The following FREM2 variants were observed in gnomAD, a reference collection of about 807,000 sequenced individuals.
FREM2 encodes FRAS1 related extracellular matrix 2, also known as FRAS1-related extracellular matrix protein 2.
In FREM2, 119 loss-of-function variants were observed where a neutral mutation model predicts 219.9. The ratio of observed to expected loss-of-function variants is 0.54; its 90% CI spans 0.47 to 0.63. FREM2 has a LOEUF of 0.63. Ranked by LOEUF, FREM2 falls within the 30% of genes least tolerant of loss-of-function variation. The pLI, the probability that FREM2 is intolerant of heterozygous loss-of-function variation, is 0.00. For synonymous variants in FREM2, 1,562 were observed against 1,522.8 expected (o/e 1.03, Z -0.60); for missense variants, 4,030 against 3,993.6 (o/e 1.01, Z -0.25).
chr13:38,688,323 A>G lies in FREM2; in HGVS notation c.979A>G (p.Met327Val). The change falls in exon 1 of 24, where the codon ATG becomes GTG. Residue 327 changes from methionine (M) to valine (V), a missense_variant. Physicochemically the swap from Met to Val is conservative, Grantham distance 21. Around this residue, in one of 2 missense-constraint regions of FREM2, gnomAD observed 3,102 missense variants for 2,950.7 expected, o/e 1.05. Transcript: ENST00000280481. ...APKPSFVAMMMMEVDQFVLTA... is the reference protein window; with the variant it reads ...APKPSFVAMMVMEVDQFVLTA... ...CAAGCCCAGTTTCGTGGCCATGATG[A>G]TGATGGAGGTGGACCAGTTTGTACT... The G allele has an allele frequency of 2.5e-6, 4 of 1,614,164 alleles. No individual in the cohort carries two copies. Among genetic ancestry groups the G allele is most frequent in the Non-Finnish European group, 3.4e-6 (4 of 1,180,036 alleles).
Position 38,689,103 on chromosome 13 carries a change from A to G in FREM2, c.1759A>G (p.Thr587Ala). Residue 587 changes from threonine to alanine, a missense_variant, in exon 1 of 24, where the codon ACT (threonine) becomes GCT (alanine). Thr to Ala is a moderately conservative substitution (Grantham distance 58). Around this residue, in one of 2 missense-constraint regions of FREM2, gnomAD observed 3,102 missense variants for 2,950.7 expected, o/e 1.05. Transcript: ENST00000280481. ...CATCCTGCCCCTTTCCCTGAGTGCA[A>G]CTGACATGGATTCAGATGATTCTCT... ...VPILPLSLSA[T>A]DMDSDDSLLL... is the part of the protein sequence containing the mutation. 3 of 1,613,912 alleles carry G rather than the reference A, an allele frequency of 1.9e-6. No individual in the cohort carries two copies. Among genetic ancestry groups the G allele is most frequent in the Middle Eastern group, 3.3e-4 (2 of 6,058 alleles).
At chr13:38,764,208 AT>A (rs776739460) in intron 2 of FREM2, 95 bp from the exon 3 acceptor site, 7 of 865,136 alleles carry the variant, frequency 8.1e-6, no homozygotes, top group African/African-American at 6.6e-5. Flanking sequence ...AGCTGTATTG[AT>A]TGTTAATGTT....
chr13:38,774,348 T>A (rs890089606), intron 4 of FREM2, among the ~76,000 whole-genome samples: 5 of 152,210 alleles, frequency 3.3e-5, no homozygotes, highest in Admixed American at 2.0e-4. Flanking sequence ...ATCTACTCTA[T>A]GCCAGGAATG....
At chr13:38,715,287 T>C (rs1870952588) in intron 2 of FREM2, among the ~76,000 whole-genome samples, 1 of 152,168 alleles carries the variant, frequency 6.6e-6, no homozygotes, top group African/African-American at 2.4e-5. Flanking sequence ...CATGTTTTGA[T>C]CATTTAAATA....
In FREM2 at chr13:38,817,537, T is replaced by C. The variant is rs984473529; in HGVS notation, c.6020-29036T>C. Among the ~76,000 whole-genome samples the C allele has an allele frequency of 3.3e-5, 5 of 152,270 alleles. No homozygotes were observed. In the East Asian group the frequency reaches 9.7e-4, roughly 29 times the overall value. The stretch of plus-strand genomic sequence containing the variant: ...GTGCAGAAGAATGAAACTAGATCCC[T>C]ACCTCTCACTATATATAAAAATCAA... On this transcript the variant is annotated intron_variant, in intron 6 of 23. Transcript: ENST00000280481.
At chr13:38,818,378 G>T (rs909582793) in intron 6 of FREM2, among the ~76,000 whole-genome samples, 1 of 152,094 alleles carries the variant, frequency 6.6e-6, no homozygotes, top group Non-Finnish European at 1.5e-5. Context: ...CCTATCATTT[G>T]AGACAACATG....
At position 38,689,698 on chromosome 13, in the gene FREM2, C is replaced by T. The variant is rs767812418; in HGVS notation, c.2354C>T (p.Ala785Val). ...GCCCAGATCAACCATCATAAAATTG[C>T]TTACAGACCCCCGGGTCAAGAACTG... ...TQAQINHHKI[A>V]YRPPGQELGV... The change falls in exon 1 of 24, where the codon GCT becomes GTT. Residue 785 changes from alanine to valine, a missense_variant. Around this residue, in one of 2 missense-constraint regions of FREM2, gnomAD observed 3,102 missense variants for 2,950.7 expected, o/e 1.05. Transcript: ENST00000280481. 2 of 1,613,914 alleles carry T rather than the reference C, an allele frequency of 1.2e-6. No individual in the cohort carries two copies. The highest frequency in any genetic ancestry group is 1.7e-6 in the Non-Finnish European group (2 of 1,179,994).
In FREM2 at chr13:38,846,627, A is replaced by G. The variant is rs1367346801; in HGVS notation, c.6074A>G (p.Tyr2025Cys). The change falls in exon 7 of 24, where the codon TAT becomes TGT. Residue 2025 changes from tyrosine (Y) to cysteine (C), a missense_variant. By Grantham distance (194) the Tyr-to-Cys change is radical. Transcript: ENST00000280481. ...VEYSVDESAG[Y>C]VEVQVWRTGT... The stretch of plus-strand genomic sequence containing the variant: ...TACTCTGTGGATGAGAGTGCTGGCT[A>G]TGTGGAAGTGCAGGTGTGGAGAACG... 1 of 1,613,774 alleles carries G rather than the reference A, an allele frequency of 6.2e-7. No homozygotes were observed. Among genetic ancestry groups the G allele is most frequent in the Admixed American group, 1.7e-5 (1 of 59,998 alleles).
intron 2 of FREM2, among the ~76,000 whole-genome samples, chr13:38,713,119 T>G (rs1415782442): frequency 6.6e-6 from 1 of 152,224 alleles, no homozygotes; most frequent in African/African-American, 2.4e-5. Flanking sequence ...TGAATTATTA[T>G]TCCAGTACTT....
chr13:38,690,201 T>C lies in FREM2; in HGVS notation c.2857T>C (p.Tyr953His), dbSNP rs1593343120. 2 of 1,614,200 alleles carry C rather than the reference T, an allele frequency of 1.2e-6. No homozygotes were observed. The highest frequency in any genetic ancestry group is 2.2e-5 in the East Asian group (1 of 44,886). Reference sequence around the variant, plus strand: ...CCATCCTACTGGCACTCTGGAGTCCTATCTAGATGTCTTAGAAAATGGGGC... The same window carrying C: ...CCATCCTACTGGCACTCTGGAGTCCCATCTAGATGTCTTAGAAAATGGGGC... ...LSHPTGTLES[Y>H]LDVLENGATE... The change falls in exon 1 of 24, where the codon TAT becomes CAT. Residue 953 changes from tyrosine to histidine, a missense_variant. Physicochemically the swap from Tyr to His is moderately conservative, Grantham distance 83. Around this residue, in one of 2 missense-constraint regions of FREM2, gnomAD observed 3,102 missense variants for 2,950.7 expected, o/e 1.05. Coordinates refer to ENST00000280481, the MANE Select transcript of FREM2 (RefSeq NM_207361.6).
intron 6 of FREM2, among the ~76,000 whole-genome samples, chr13:38,802,418 C>G (rs763081140): frequency 6.6e-6 from 1 of 152,162 alleles, no homozygotes; most frequent in Non-Finnish European, 1.5e-5. Flanking sequence ...CAGGGCATAA[C>G]GCAGGCCTTT....
intron 6 of FREM2, among the ~76,000 whole-genome samples, chr13:38,800,818 T>C (rs1378136654): frequency 6.6e-6 from 1 of 152,112 alleles, no homozygotes; most frequent in African/African-American, 2.4e-5. Flanking sequence ...TTAGTAGAAA[T>C]GGGGTTTCAC....
intron 6 of FREM2, among the ~76,000 whole-genome samples, chr13:38,817,358 A>G (rs563086325): frequency 1.2e-4 from 18 of 152,278 alleles, no homozygotes; most frequent in African/African-American, 3.4e-4. Context: ...CTGGCATGAA[A>G]AACAGACACA....
intron 2 of FREM2, among the ~76,000 whole-genome samples, chr13:38,740,035 C>A (rs971197241): frequency 6.6e-6 from 1 of 151,806 alleles, no homozygotes; most frequent in Non-Finnish European, 1.5e-5. Flanking sequence ...ATAAATACAA[C>A]CATTTGAAAT....
intron 2 of FREM2, among the ~76,000 whole-genome samples, chr13:38,731,294 A>G (rs554448815): frequency 2.6e-5 from 4 of 152,220 alleles, no homozygotes; most frequent in Non-Finnish European, 5.9e-5. Context: ...ACAAAAACAT[A>G]CAAAGTAAAT....
intron 6 of FREM2, among the ~76,000 whole-genome samples, chr13:38,810,763 T>G (rs948558009): frequency 6.6e-6 from 1 of 152,028 alleles, no homozygotes; most frequent in Admixed American, 6.6e-5. Flanking sequence ...ATCAGAGATA[T>G]TAGCCCATAG....
chr13:38,770,523 G>A (rs563737396), intron 4 of FREM2, among the ~76,000 whole-genome samples: 3 of 151,932 alleles, frequency 2.0e-5, no homozygotes, highest in Non-Finnish European at 4.4e-5. Flanking sequence ...TGAAACAAAC[G>A]GTTTGAGAAT....
At chr13:38,811,908 G>A (rs34579176) in intron 6 of FREM2, among the ~76,000 whole-genome samples, 23,438 of 152,108 alleles carry the variant, frequency 0.15, 2,119 homozygotes, top group East Asian at 0.28. Context: ...GTCTCTAGCT[G>A]TTATTGCATT....
At chr13:38,820,047 C>T (rs1875978313) in intron 6 of FREM2, among the ~76,000 whole-genome samples, 1 of 152,096 alleles carries the variant, frequency 6.6e-6, no homozygotes, top group Admixed American at 6.6e-5. Flanking sequence ...ATTGAAATGT[C>T]ATAGATAATA....
Sources: allele counts gnomAD v4.1 joint callset (sites outside exome capture counted in the v4.1 genomes callset), GRCh38; gene constraint gnomAD v4.1.1; regional missense constraint gnomAD v4.1.1; transcripts MANE v1.5; gene names NCBI Gene and HGNC (gene_info 2026-07-23, HGNC 2026-07-21).